The following HSD17B12 variants were observed in gnomAD, a reference collection of about 807,000 sequenced individuals.
The protein encoded by HSD17B12 is hydroxysteroid 17-beta dehydrogenase 12.
A neutral mutation model predicts 39.3 loss-of-function variants in HSD17B12; 32 were observed. The ratio of observed to expected loss-of-function variants is 0.81; its 90% confidence interval spans 0.61 to 1.09. The LOEUF (loss-of-function observed/expected upper bound fraction) is 1.09. HSD17B12 is among the 50% of genes least tolerant of loss of function. HSD17B12 has a pLI of 0.00. For synonymous variants in HSD17B12, 150 were observed against 146.7 expected (o/e 1.02, Z -0.16); for missense variants, 342 against 382.9 (o/e 0.89, Z 0.89).
At chr11:43,561,402 G>A in the HSD17B12 span, among the ~76,000 whole-genome samples, 4 of 152,214 alleles carry the variant, frequency 2.6e-5, no homozygotes, top group South Asian at 8.3e-4. Flanking sequence ...GAGGAAGACG[G>A]GCCTACATTC....
chr11:43,735,992 C>G (rs1040055948), intron 1 of HSD17B12, among the ~76,000 whole-genome samples: 2 of 152,176 alleles, frequency 1.3e-5, no homozygotes, highest in Non-Finnish European at 1.5e-5. Flanking sequence ...CCGTGTTACT[C>G]CCACATTTTG....
chr11:43,848,481 TA>T (rs1286826263), intron 9 of HSD17B12: 1 of 152,222 alleles, frequency 6.6e-6, no homozygotes, highest in Non-Finnish European at 1.5e-5. Context: ...TTATTGGATA[TA>T]AAAAGTCAGC....
At chr11:43,572,138 G>C in the HSD17B12 span, among the ~76,000 whole-genome samples, 1 of 152,124 alleles carries the variant, frequency 6.6e-6, no homozygotes, top group Non-Finnish European at 1.5e-5. Context: ...GGGCATCCTC[G>C]GTGTGAGTGG....
At chr11:43,648,041 G>T in the HSD17B12 span, among the ~76,000 whole-genome samples, 7 of 152,040 alleles carry the variant, frequency 4.6e-5, no homozygotes, top group Admixed American at 3.9e-4. Context: ...ATTTCCATTA[G>T]AAATAAAGCA....
intron 1 of HSD17B12, among the ~76,000 whole-genome samples, chr11:43,722,126 A>G (rs533966514): frequency 8.1e-4 from 124 of 152,306 alleles, no homozygotes; most frequent in African/African-American, 2.9e-3. Flanking sequence ...AACTGAATAA[A>G]TGGGTGGTCC....
chr11:43,826,333 TC>T (rs1464294506), intron 6 of HSD17B12, among the ~76,000 whole-genome samples: 15 of 152,086 alleles, frequency 9.9e-5, no homozygotes, highest in Admixed American at 9.8e-4. Flanking sequence ...TCTGCCCGCC[TC>T]GACCTCCCAA....
the HSD17B12 span, chr11:43,641,083 C>A: frequency 6.6e-6 from 1 of 151,790 alleles, no homozygotes; most frequent in Non-Finnish European, 1.5e-5. Flanking sequence ...AAGAGCATTT[C>A]AATTAGACGA....
intron 3 of HSD17B12, among the ~76,000 whole-genome samples, chr11:43,783,667 G>A (rs1049888069): frequency 1.3e-4 from 20 of 151,896 alleles, no homozygotes; most frequent in Non-Finnish European, 2.2e-4. Context: ...GAGAGCATGC[G>A]GTGTTTGGTT....
At chr11:43,594,025 T>C in the HSD17B12 span, among the ~76,000 whole-genome samples, 57 of 152,294 alleles carry the variant, frequency 3.7e-4, no homozygotes, top group Admixed American at 1.6e-3. Context: ...TGGATAAATA[T>C]AGAAATTAAT....
In HSD17B12 at chr11:43,806,016, G is replaced by A. The variant is rs537751110; in HGVS notation, c.391+7589G>A. On this transcript the variant is annotated intron_variant, in intron 4 of 10. Coordinates refer to ENST00000278353, the MANE Select transcript of HSD17B12 (RefSeq NM_016142.3). ...ATTAGTCAAATGAAGAGAAACCATA[G>A]GGCAAGGTCTGCGGGGAGTCCCCAA... Among the ~76,000 whole-genome samples, 21 of 152,290 alleles carry A rather than the reference G, an allele frequency of 1.4e-4. No individual in the cohort carries two copies. In the South Asian group the frequency reaches 3.7e-3, roughly 27 times the overall value.
At chr11:43,585,562 G>A in the HSD17B12 span, among the ~76,000 whole-genome samples, 1 of 152,126 alleles carries the variant, frequency 6.6e-6, no homozygotes, top group East Asian at 1.9e-4. Context: ...TGGATTTTTG[G>A]AAATTTTTAC....
At chr11:43,595,845 A>C in the HSD17B12 span, among the ~76,000 whole-genome samples, 1 of 152,178 alleles carries the variant, frequency 6.6e-6, no homozygotes, top group Non-Finnish European at 1.5e-5. Flanking sequence ...AGAGCGAGAG[A>C]GAGAGAGAAA....
chr11:43,801,439 C>T (rs1476378865), intron 4 of HSD17B12, among the ~76,000 whole-genome samples: 1 of 152,040 alleles, frequency 6.6e-6, no homozygotes, highest in Non-Finnish European at 1.5e-5. Flanking sequence ...TTATGGATGA[C>T]TTTCAGGTTG....
chr11:43,754,834 C>A, intron 3 of HSD17B12: 1 of 758,168 alleles, frequency 1.3e-6, no homozygotes, highest in Non-Finnish European at 2.4e-6. Flanking sequence ...GATAGCAATA[C>A]CCATGTGACA....
At chr11:43,754,233 A>AT (rs1410333724) in intron 3 of HSD17B12, 112 bp downstream of exon 3, 2 of 733,458 alleles carry the variant, frequency 2.7e-6, no homozygotes, top group Admixed American at 4.8e-5. Context: ...TCAAGGAGAG[A>AT]TATCATTAAA....
At chr11:43,714,674 G>T (rs1171059724) in intron 1 of HSD17B12, among the ~76,000 whole-genome samples, 1 of 152,206 alleles carries the variant, frequency 6.6e-6, no homozygotes, top group Non-Finnish European at 1.5e-5. Flanking sequence ...GTCATTGGTA[G>T]CTTGATGGGG....
upstream of HSD17B12, among the ~76,000 whole-genome samples, chr11:43,676,510 A>C (rs1339692731): frequency 1.3e-5 from 2 of 152,134 alleles, no homozygotes; most frequent in African/African-American, 4.8e-5. Flanking sequence ...CAGTAAGAGA[A>C]GGGGCCAGCA....
rs761227868 is a variant in HSD17B12, at chr11:43,838,344, A to T, written c.564A>T (p.Ser188=). 6 of 1,613,254 alleles carry T rather than the reference A, an allele frequency of 3.7e-6. No individual in the cohort carries two copies. In the Admixed American group the frequency reaches 5.0e-5, roughly 13 times the overall value. ...CCAAAGGGGCTATTCTGAACATTTC[A>T]TCTGGCAGTGGCATGCTCCCTGTCC... ...ERSKGAILNI[S]SGSGMLPVPL... is the part of the protein sequence containing the mutation. The change falls in exon 8 of 11, where the codon TCA becomes TCT. Residue 188 remains serine, a synonymous_variant. Transcript: ENST00000278353.
the HSD17B12 span, among the ~76,000 whole-genome samples, chr11:43,606,419 G>A: frequency 6.6e-6 from 1 of 152,204 alleles, no homozygotes; most frequent in African/African-American, 2.4e-5. Context: ...ATTACTATGT[G>A]ATTATAGCTG....
Sources: gnomAD v4.1 joint callset for allele counts (sites outside exome capture counted in the v4.1 genomes callset) on GRCh38, gnomAD v4.1.1 for gene constraint, MANE v1.5 for transcripts, NCBI Gene and HGNC (gene_info 2026-07-23, HGNC 2026-07-21) for gene names.